Variants in DRC11 observed in about 807,000 individuals in gnomAD.
The protein encoded by DRC11 is dynein regulatory complex subunit 11, also known as IQ and AAA domain-containing protein 1.
At chr2:236,338,951 C>T in the DRC11 span, among the ~76,000 whole-genome samples, 1 of 152,170 alleles carries the variant, frequency 6.6e-6, no homozygotes, top group African/African-American at 2.4e-5. Context: ...TGTTCAGCAC[C>T]CCAGGGAGGA....
chr2:236,357,479 T>G, the DRC11 span, among the ~76,000 whole-genome samples: 1 of 126,864 alleles, frequency 7.9e-6, no homozygotes, highest in Non-Finnish European at 1.5e-5. Context: ...TACATGTATA[T>G]TTATATATTA....
chr2:236,377,942 C>T, the DRC11 span, among the ~76,000 whole-genome samples: 6 of 152,162 alleles, frequency 3.9e-5, no homozygotes, highest in Admixed American at 1.3e-4. This position sits in a 1 kb window ranked among gnomAD's most constrained non-coding sequence, Gnocchi z 4.9. Context: ...TATAATCCTT[C>T]GAGATGTTTT....
the DRC11 span, among the ~76,000 whole-genome samples, chr2:236,464,377 A>G: frequency 6.6e-6 from 1 of 152,168 alleles, no homozygotes; most frequent in African/African-American, 2.4e-5. Flanking sequence ...CAGATGGGCA[A>G]GCTTGCCTTC....
chr2:236,371,579 T>A, the DRC11 span, among the ~76,000 whole-genome samples: 5 of 152,306 alleles, frequency 3.3e-5, no homozygotes, highest in African/African-American at 1.2e-4. The surrounding 1 kb of genome is among the most constrained non-coding windows in gnomAD (Gnocchi z 5.1). Flanking sequence ...ACCGCTCTTA[T>A]GCATTGCACT....
At chr2:236,441,234 G>T in the DRC11 span, 1 of 774,554 alleles carries the variant, frequency 1.3e-6, no homozygotes, top group Non-Finnish European at 2.2e-6. Flanking sequence ...TAAGGGTGGA[G>T]GGTTCCCTGT....
the DRC11 span, among the ~76,000 whole-genome samples, chr2:236,394,850 C>T: frequency 1.3e-5 from 2 of 152,128 alleles, no homozygotes; most frequent in East Asian, 1.9e-4. This position sits in a 1 kb window ranked among gnomAD's most constrained non-coding sequence, Gnocchi z 7.0. Flanking sequence ...TACCAGCAAA[C>T]CGAAGGGCAG....
chr2:236,324,681 CTTTCT>C, the DRC11 span: 58 of 1,509,282 alleles, frequency 3.8e-5, 1 homozygote, highest in Middle Eastern at 3.4e-4. This position sits in a 1 kb window ranked among gnomAD's most constrained non-coding sequence, Gnocchi z 5.7. Flanking sequence ...GCCTTTTTCT[CTTTCT>C]TTTATTTCCT....
chr2:236,416,727 A>ATATATATATATATATATT, the DRC11 span, among the ~76,000 whole-genome samples: 1 of 25,890 alleles, frequency 3.9e-5, no homozygotes, highest in Non-Finnish European at 7.7e-5. Flanking sequence ...ATATTTATAT[A>ATATATATATATATATATT]TATATATATA....
the DRC11 span, among the ~76,000 whole-genome samples, chr2:236,409,921 G>A: frequency 6.5e-4 from 99 of 152,294 alleles, 1 homozygote; most frequent in African/African-American, 2.3e-3. Context: ...TTATTGATTT[G>A]TGTATATTGA....
At chr2:236,461,213 C>T in the DRC11 span, among the ~76,000 whole-genome samples, 134 of 152,262 alleles carry the variant, frequency 8.8e-4, no homozygotes, top group Non-Finnish European at 1.4e-3. This position sits in a 1 kb window ranked among gnomAD's most constrained non-coding sequence, Gnocchi z 4.0. Context: ...ACTAAAGAAT[C>T]ATTTCATTTA....
the DRC11 span, among the ~76,000 whole-genome samples, chr2:236,371,228 G>A: frequency 6.6e-6 from 1 of 152,152 alleles, no homozygotes; most frequent in East Asian, 1.9e-4. This position sits in a 1 kb window ranked among gnomAD's most constrained non-coding sequence, Gnocchi z 5.1. Flanking sequence ...TGGGCACTCA[G>A]GCTTTGCAGT....
the DRC11 span, among the ~76,000 whole-genome samples, chr2:236,459,625 A>C: frequency 4.1e-5 from 4 of 97,258 alleles, no homozygotes; most frequent in Admixed American, 3.0e-4. Flanking sequence ...AAGTATATAC[A>C]TACGTATATA....
the DRC11 span, among the ~76,000 whole-genome samples, chr2:236,322,089 C>G: frequency 6.6e-6 from 1 of 152,108 alleles, no homozygotes; most frequent in Non-Finnish European, 1.5e-5. Flanking sequence ...GTGATAAGCT[C>G]TCCTGCCCTA....
chr2:236,442,821 C>T, the DRC11 span, among the ~76,000 whole-genome samples: 1 of 152,146 alleles, frequency 6.6e-6, no homozygotes, highest in Non-Finnish European at 1.5e-5. Flanking sequence ...CTGGAAGGTT[C>T]AAATTTTACC....
chr2:236,395,393 T>C, the DRC11 span, among the ~76,000 whole-genome samples: 3 of 152,190 alleles, frequency 2.0e-5, no homozygotes, highest in South Asian at 2.1e-4. Context: ...AAAACAAGCA[T>C]TGCATACATT....
the DRC11 span, among the ~76,000 whole-genome samples, chr2:236,464,704 G>A: frequency 6.6e-6 from 1 of 152,144 alleles, no homozygotes. Context: ...CCCAGTGTTG[G>A]AGGTGGAGCC....
At chr2:236,389,587 G>A in the DRC11 span, among the ~76,000 whole-genome samples, 460 of 152,250 alleles carry the variant, frequency 3.0e-3, 3 homozygotes, top group African/African-American at 0.01. Context: ...AGATGAACCC[G>A]GTACCTCAGA....
At chr2:236,436,278 G>C in the DRC11 span, among the ~76,000 whole-genome samples, 1 of 151,976 alleles carries the variant, frequency 6.6e-6, no homozygotes, top group Non-Finnish European at 1.5e-5. Flanking sequence ...TGTCATACAT[G>C]TTGCAAATGT....
the DRC11 span, among the ~76,000 whole-genome samples, chr2:236,477,888 C>T: frequency 1.3e-5 from 2 of 152,056 alleles, no homozygotes; most frequent in African/African-American, 2.4e-5. Flanking sequence ...TAAGTCTCCT[C>T]TTAAATGTCT....
Sources: allele counts gnomAD v4.1 joint callset (sites outside exome capture counted in the v4.1 genomes callset), GRCh38; gene constraint gnomAD v4.1.1; non-coding constraint Gnocchi (gnomAD v3.1); transcripts MANE v1.5; gene names NCBI Gene and HGNC (gene_info 2026-07-23, HGNC 2026-07-21).